The following TNNI3K variants were observed in gnomAD, a reference collection of about 807,000 sequenced individuals.
TNNI3K encodes TNNI3 interacting kinase, also known as serine/threonine-protein kinase TNNI3K.
A neutral mutation model predicts 114.5 loss-of-function variants in TNNI3K; 140 were observed. The ratio of observed to expected loss-of-function variants is 1.22; its 90% CI spans 1.07 to 1.41. TNNI3K has a LOEUF of 1.41. Ranked by LOEUF, TNNI3K falls within the 40% of genes most tolerant of loss-of-function variation. TNNI3K has a pLI of 0.00. For synonymous variants in TNNI3K, 347 were observed against 347.5 expected, an observed-to-expected ratio of 1.00 and a Z score of 0.02; for missense variants, 1,125 against 1,007.6, an observed-to-expected ratio of 1.12 and a Z score of -1.58.
At chr1:74,316,712 C>A (rs538467761) in intron 5 of TNNI3K, among the ~76,000 whole-genome samples, 1 of 151,190 alleles carries the variant, frequency 6.6e-6, no homozygotes, top group Admixed American at 6.6e-5. Flanking sequence ...ATTTTTGAGA[C>A]GGAGTCTCTC....
intron 21 of TNNI3K, among the ~76,000 whole-genome samples, chr1:74,465,861 A>C (rs192671852): frequency 2.3e-3 from 345 of 152,236 alleles, no homozygotes; most frequent in Non-Finnish European, 4.1e-3. Context: ...CTCTCTGTAA[A>C]ATGGACCAAT....
intron 4 of TNNI3K, among the ~76,000 whole-genome samples, chr1:74,253,104 A>G (rs1655046030): frequency 6.6e-6 from 1 of 152,312 alleles, no homozygotes; most frequent in Admixed American, 6.5e-5. Context: ...TTAGCTAGAT[A>G]CAGAGTGCCA....
intron 12 of TNNI3K, 34 bp from the exon 13 acceptor site, chr1:74,367,874 T>C (rs751679309): frequency 6.5e-7 from 1 of 1,542,238 alleles, no homozygotes; most frequent in East Asian, 2.4e-5. Context: ...AAATGATCGC[T>C]ACTTTCAACT....
chr1:74,305,651 G>T (rs922815523), intron 5 of TNNI3K, among the ~76,000 whole-genome samples: 1 of 152,094 alleles, frequency 6.6e-6, no homozygotes, highest in Non-Finnish European at 1.5e-5. Flanking sequence ...GTCTGCTCTT[G>T]GCCCAACAGT....
At chr1:74,439,445 A>C (rs201469589) in intron 19 of TNNI3K, 45 bp from the exon 20 acceptor site, 35 of 1,599,176 alleles carry the variant, frequency 2.2e-5, no homozygotes, top group Non-Finnish European at 2.6e-5. Context: ...CAGTGGAAGA[A>C]CCAAACACTT....
chr1:74,369,060 T>C lies in TNNI3K; in HGVS notation c.1360T>C (p.Ser454Pro), dbSNP rs1570532903. The change falls in exon 14 of 25, where the codon TCA (serine) becomes CCA (proline). Residue 454 changes from serine to proline, a missense_variant. By Grantham distance (74) the Ser-to-Pro change is moderately conservative. Coordinates refer to ENST00000326637, the MANE Select transcript of TNNI3K (RefSeq NM_015978.3). Reference sequence around the variant, plus strand: ...TCTCCTCCTAAGAGCTGGATTGCCTTCACATTTCCATCTTCAGCTCTCAGA... The same window carrying C: ...TCTCCTCCTAAGAGCTGGATTGCCTCCACATTTCCATCTTCAGCTCTCAGA... Reference protein sequence around the residue: ...DILLLRAGLPSHFHLQLSEIE... With the variant: ...DILLLRAGLPPHFHLQLSEIE... 6.2e-7 allele frequency: 1 copy of C among 1,610,090 alleles called. No homozygotes were observed. The highest frequency in any genetic ancestry group is 1.7e-5 in the Admixed American group (1 of 59,500).
intron 11 of TNNI3K, among the ~76,000 whole-genome samples, chr1:74,358,311 T>C (rs1461062896): frequency 1.3e-5 from 2 of 151,838 alleles, no homozygotes; most frequent in South Asian, 4.2e-4. Context: ...AAGCTGGAGG[T>C]GGAGAATTAG....
intron 5 of TNNI3K, among the ~76,000 whole-genome samples, chr1:74,276,082 CAA>C (rs1473589539): frequency 3.9e-5 from 6 of 151,946 alleles, no homozygotes; most frequent in Admixed American, 3.9e-4. Flanking sequence ...GATGATTAAA[CAA>C]AGAAAGATAA....
chr1:74,399,028 C>T (rs1410681708), intron 17 of TNNI3K, among the ~76,000 whole-genome samples: 7 of 151,462 alleles, frequency 4.6e-5, no homozygotes, highest in African/African-American at 9.7e-5. Flanking sequence ...TGGTGGCGGG[C>T]GCCTGTAATC....
At chr1:74,476,660 T>TTATAAAATCTCAA (rs1191128774) in intron 21 of TNNI3K, among the ~76,000 whole-genome samples, 1 of 152,100 alleles carries the variant, frequency 6.6e-6, no homozygotes, top group Non-Finnish European at 1.5e-5. Flanking sequence ...ATTCTCAAGA[T>TTATAAAATCTCAA]GTGATTAGGA....
intron 17 of TNNI3K, among the ~76,000 whole-genome samples, chr1:74,425,493 A>G (rs146156355): frequency 3.7e-4 from 56 of 152,224 alleles, no homozygotes; most frequent in African/African-American, 1.3e-3. Flanking sequence ...AATTCTAGGG[A>G]AAGTTACTGC....
intron 5 of TNNI3K, among the ~76,000 whole-genome samples, chr1:74,308,894 A>G (rs1202597472): frequency 6.6e-6 from 1 of 152,170 alleles, no homozygotes; most frequent in African/African-American, 2.4e-5. Flanking sequence ...ACAAACTAGA[A>G]AACCTTGAGG....
chr1:74,456,178 A>G (rs1667215547), intron 20 of TNNI3K, among the ~76,000 whole-genome samples: 1 of 152,162 alleles, frequency 6.6e-6, no homozygotes, highest in Admixed American at 6.5e-5. Context: ...GAGAAAGGAG[A>G]TATTGGTTTA....
intron 17 of TNNI3K, among the ~76,000 whole-genome samples, chr1:74,381,692 G>T: frequency 6.6e-6 from 1 of 152,046 alleles, no homozygotes; most frequent in East Asian, 1.9e-4. Context: ...TTGAATCAGG[G>T]ATTCAGTCTG....
chr1:74,354,913 A>G (rs996213158), intron 11 of TNNI3K, among the ~76,000 whole-genome samples: 4 of 152,206 alleles, frequency 2.6e-5, no homozygotes, highest in African/African-American at 9.6e-5. Context: ...TTGATAACAA[A>G]TTCATCATTT....
intron 17 of TNNI3K, chr1:74,372,527 C>A (rs895376625): frequency 6.6e-6 from 1 of 151,802 alleles, no homozygotes; most frequent in Non-Finnish European, 1.5e-5. Flanking sequence ...GCTATTAGTT[C>A]TTTACCTTTC....
intron 20 of TNNI3K, among the ~76,000 whole-genome samples, chr1:74,447,337 C>G (rs1393072987): frequency 6.7e-6 from 1 of 150,010 alleles, no homozygotes; most frequent in African/African-American, 2.5e-5. Context: ...ATTTGGCTCT[C>G]TGTTTGTCTG....
chr1:74,242,224 T>C lies in TNNI3K; in HGVS notation c.149+6014T>C, dbSNP rs1557443681. Reference sequence around the variant, plus strand: ...ACTTTTTTGGCATTGAGTAGATACATCTTGGTCAGTAATTACAGTGCCTCA... The same window carrying C: ...ACTTTTTTGGCATTGAGTAGATACACCTTGGTCAGTAATTACAGTGCCTCA... On this transcript the variant is annotated intron_variant, in intron 2 of 24. Transcript: ENST00000326637. Among the ~76,000 whole-genome samples the C allele has an allele frequency of 3.3e-5, 5 of 152,144 alleles. No individual in the cohort carries two copies. The South Asian group carries it at 8.3e-4, about 25-fold the overall frequency.
chr1:74,451,634 TTTTC>T (rs143940263), intron 20 of TNNI3K, among the ~76,000 whole-genome samples: 3,062 of 145,556 alleles, frequency 0.021, 130 homozygotes, highest in African/African-American at 0.078. Context: ...TTCCTTTTCT[TTTTC>T]TTTCTTTCTT....
Sources: allele counts gnomAD v4.1 joint callset (sites outside exome capture counted in the v4.1 genomes callset), GRCh38; gene constraint gnomAD v4.1.1; transcripts MANE v1.5; gene names NCBI Gene and HGNC (gene_info 2026-07-23, HGNC 2026-07-21).